NLGN1: variants seen among roughly 807,000 people sequenced by gnomAD.
NLGN1 encodes the protein neuroligin 1.
In NLGN1, 12 loss-of-function variants were observed where a neutral mutation model predicts 65.5. That is an observed-to-expected ratio of 0.18 (90% CI 0.12 to 0.30). The LOEUF is 0.30. NLGN1 is among the 10% of genes least tolerant of loss of function. NLGN1 has a pLI of 1.00. For missense variants in NLGN1, 750 were observed against 1,007.1 expected (o/e 0.74, Z 3.46); for synonymous variants, 350 against 359.5 (o/e 0.97, Z 0.30).
intron 3 of NLGN1, among the ~76,000 whole-genome samples, chr3:173,675,091 A>T (rs1302774490): frequency 6.6e-6 from 1 of 152,044 alleles, no homozygotes; most frequent in Non-Finnish European, 1.5e-5. Flanking sequence ...CATATTAATT[A>T]TTAATAAATT....
At chr3:173,414,911 T>A (rs958309928) in intron 1 of NLGN1, among the ~76,000 whole-genome samples, 2 of 152,082 alleles carry the variant, frequency 1.3e-5, no homozygotes, top group Non-Finnish European at 2.9e-5. Flanking sequence ...CCCTAAGATG[T>A]CCACATATGA....
chr3:173,901,162 A>G (rs1366962503), intron 4 of NLGN1, among the ~76,000 whole-genome samples: 1 of 151,924 alleles, frequency 6.6e-6, no homozygotes, highest in Admixed American at 6.6e-5. Flanking sequence ...AAATCCCTTT[A>G]CTAGTGTTTG....
chr3:173,615,689 G>T (rs1043290744), intron 3 of NLGN1, among the ~76,000 whole-genome samples: 5 of 150,414 alleles, frequency 3.3e-5, no homozygotes, highest in African/African-American at 1.2e-4. Flanking sequence ...TGTTGCCTGA[G>T]CCCACCTTAG....
At chr3:173,927,583 T>G (rs1167335938) in intron 4 of NLGN1, among the ~76,000 whole-genome samples, 1 of 151,968 alleles carries the variant, frequency 6.6e-6, no homozygotes, top group Non-Finnish European at 1.5e-5. Context: ...GTTTCCAAAG[T>G]GTAAGAGGAA....
chr3:173,930,614 G>C (rs1743919819), intron 4 of NLGN1, among the ~76,000 whole-genome samples: 1 of 152,182 alleles, frequency 6.6e-6, no homozygotes, highest in Non-Finnish European at 1.5e-5. Context: ...AAGAAGGATA[G>C]AGTTTAGAGG....
chr3:173,891,424 T>A (rs1175190024), intron 4 of NLGN1, among the ~76,000 whole-genome samples: 2 of 152,216 alleles, frequency 1.3e-5, no homozygotes. Context: ...AGCAAAAGCC[T>A]CTTCACAGTA....
At chr3:173,538,769 G>C (rs901339189) in intron 2 of NLGN1, among the ~76,000 whole-genome samples, 2 of 152,050 alleles carry the variant, frequency 1.3e-5, no homozygotes, top group African/African-American at 4.8e-5. Context: ...GAAAGAAGCC[G>C]TCTGGAATCC....
At chr3:174,062,568 A>C (rs939829953) in intron 4 of NLGN1, among the ~76,000 whole-genome samples, 1 of 152,084 alleles carries the variant, frequency 6.6e-6, no homozygotes, top group Non-Finnish European at 1.5e-5. Flanking sequence ...CTAAAAAAAA[A>C]CACTAATTAT....
intron 4 of NLGN1, among the ~76,000 whole-genome samples, chr3:174,208,009 A>G (rs1410088464): frequency 6.6e-6 from 1 of 152,220 alleles, no homozygotes; most frequent in Admixed American, 6.5e-5. Flanking sequence ...GACACATTAT[A>G]AAGCAAACCT....
chr3:173,679,777 C>A (rs553044521), intron 3 of NLGN1, among the ~76,000 whole-genome samples: 15 of 152,106 alleles, frequency 9.9e-5, no homozygotes, highest in South Asian at 2.1e-4. Context: ...CTTAGTAATC[C>A]CTGCATCTGA....
rs143806569 is a variant in NLGN1 at position 174,047,085 on chromosome 3, C to T, written c.647-228230C>T. 6.3e-3 allele frequency among the ~76,000 whole-genome samples: 952 copies of T among 151,862 alleles called. 23 individuals are homozygous for T. Among genetic ancestry groups the T allele is most frequent in the East Asian group, 0.039 (200 of 5,182 alleles). On this transcript the variant is annotated intron_variant, in intron 4 of 6. Transcript: ENST00000457714. ...TTACATTTTTCTCTGCCTTAAGTTG[C>T]TATGTTTATTATATTTAACTTAAGC...
chr3:173,460,066 TATTA>T (rs1050193227), intron 2 of NLGN1, among the ~76,000 whole-genome samples: 1 of 152,100 alleles, frequency 6.6e-6, no homozygotes, highest in East Asian at 1.9e-4. Context: ...TTAATTAACA[TATTA>T]ATTAACACAT....
At chr3:173,520,272 G>T (rs563301530) in intron 2 of NLGN1, among the ~76,000 whole-genome samples, 1 of 152,246 alleles carries the variant, frequency 6.6e-6, no homozygotes, top group African/African-American at 2.4e-5. Context: ...ATGCAAGAAT[G>T]GATTAATACA....
exon 7 of NLGN1, chr3:174,283,628 C>A (rs975577309): frequency 1.3e-5 from 2 of 151,282 alleles, no homozygotes; most frequent in South Asian, 2.1e-4. Context: ...AGATAAAAAT[C>A]TATTTCAAGG....
chr3:173,730,412 G>T (rs1040381501), intron 3 of NLGN1, among the ~76,000 whole-genome samples: 12 of 145,406 alleles, frequency 8.3e-5, no homozygotes, highest in East Asian at 8.0e-4. Context: ...TAAAAGAAAA[G>T]AAATAGGTAA....
intron 3 of NLGN1, among the ~76,000 whole-genome samples, chr3:173,692,438 T>C (rs1421384272): frequency 6.6e-6 from 1 of 152,118 alleles, no homozygotes; most frequent in Non-Finnish European, 1.5e-5. Context: ...AAATGTTATG[T>C]GACCGCGATA....
chr3:173,502,290 C>A (rs987644782), intron 2 of NLGN1, among the ~76,000 whole-genome samples: 1 of 152,058 alleles, frequency 6.6e-6, no homozygotes, highest in Non-Finnish European at 1.5e-5. Context: ...AAGAGAAGAT[C>A]TTACTTTCCC....
chr3:174,027,325 T>A (rs1729047328), intron 4 of NLGN1, among the ~76,000 whole-genome samples: 1 of 152,110 alleles, frequency 6.6e-6, no homozygotes, highest in Admixed American at 6.6e-5. Context: ...TTCTCCAACA[T>A]TCGAATTTGT....
chr3:173,727,801 A>AT (rs1772051361), intron 3 of NLGN1, among the ~76,000 whole-genome samples: 2 of 152,144 alleles, frequency 1.3e-5, no homozygotes, highest in African/African-American at 4.8e-5. Flanking sequence ...TATTCTCTGT[A>AT]TTTTTTGATG....
Sources: allele counts gnomAD v4.1 joint callset (sites outside exome capture counted in the v4.1 genomes callset), GRCh38; gene constraint gnomAD v4.1.1; transcripts MANE v1.5; gene names NCBI Gene and HGNC (gene_info 2026-07-23, HGNC 2026-07-21).